OR4N5: variants seen among roughly 807,000 people sequenced by gnomAD.
The protein encoded by OR4N5 is olfactory receptor 4N5.
For synonymous variants in OR4N5, 155 were observed against 140.6 expected, an observed-to-expected ratio of 1.10 and a Z score of -0.72; for missense variants, 428 against 370.0, an observed-to-expected ratio of 1.16 and a Z score of -1.29.
intron 1 of OR4N5, among the ~76,000 whole-genome samples, chr14:20,140,353 A>G (rs1263297987): frequency 6.6e-6 from 1 of 152,214 alleles, no homozygotes; most frequent in African/African-American, 2.4e-5. Flanking sequence ...GTAACAGGAA[A>G]CAGAAGCTAA....
rs757831837 is a variant in OR4N5, at chr14:20,144,565, TC to T, written c.831del (p.Ile278SerfsTer4). On this transcript the variant is annotated frameshift_variant, in exon 3 of 3. Transcript: ENST00000641086. LOFTEE classifies it low-confidence loss of function (END_TRUNC). ...AAGGTAGTTTCTCTTTTCCATACTG[TC>T]ATCTTTCCTTTGATGAACCCTGTTA... is the stretch of plus-strand genomic sequence containing the variant. ...ADKVVSLFHTVIFPLMNPVIY... is the reference protein window; with the variant it reads ...ADKVVSLFHTXIFPLMNPVIY... 1 of 1,613,980 alleles carries T rather than the reference TC, an allele frequency of 6.2e-7. No homozygotes were observed. Among genetic ancestry groups the T allele is most frequent in the East Asian group, 2.2e-5 (1 of 44,868 alleles).
chr14:20,141,474 C>T (rs774758662), intron 2 of OR4N5, among the ~76,000 whole-genome samples: 1 of 152,142 alleles, frequency 6.6e-6, no homozygotes, highest in Non-Finnish European at 1.5e-5. Context: ...TATTCCATAG[C>T]ATTTGCTGCT....
chr14:20,140,307 T>A (rs1199975339), intron 1 of OR4N5, among the ~76,000 whole-genome samples: 2 of 151,828 alleles, frequency 1.3e-5, no homozygotes, highest in African/African-American at 4.8e-5. Context: ...AGCAAGGGAT[T>A]AGGAAGATAA....
rs1195866805 is a variant in OR4N5, at chr14:20,145,189, A to G, written c.*527A>G. On this transcript the variant is annotated 3_prime_UTR_variant, in exon 3 of 3. Coordinates refer to ENST00000641086, the MANE Select transcript of OR4N5 (RefSeq NM_001004724.2). ...CCATAAAAAGGAAGAGAACAGCTGT[A>G]CTATATTTAGTGAATGTGAAAATGG... 1 of 152,676 alleles carries G rather than the reference A, an allele frequency of 6.5e-6. No homozygotes were observed. Among genetic ancestry groups the G allele is most frequent in the Non-Finnish European group, 1.5e-5 (1 of 68,414 alleles). 9.5% of individuals were successfully genotyped at this position (152,676 alleles called of 1,614,324 possible). A position where few individuals can be genotyped will look rare whatever the true frequency, so the allele number is the denominator to read the frequency against.
rs146929855 is a variant in OR4N5 at position 20,144,310 on chromosome 14, C to G, written c.575C>G (p.Thr192Ser). Residue 192 changes from threonine to serine, a missense_variant, in exon 3 of 3, where the codon ACC becomes AGC. Coordinates refer to ENST00000641086, the MANE Select transcript of OR4N5 (RefSeq NM_001004724.2). ...GTCATCAAGCTGGCCTGCACCAATACCTTTGTGGTGGAGCTTCTGATGGTC... is the reference window on the plus strand; with the variant it reads ...GTCATCAAGCTGGCCTGCACCAATAGCTTTGTGGTGGAGCTTCTGATGGTC... ...PQVIKLACTN[T>S]FVVELLMVSN... is the part of the protein sequence containing the mutation. 2.5e-6 allele frequency: 4 copies of G among 1,613,848 alleles called. No homozygotes were observed. Among genetic ancestry groups the G allele is most frequent in the Admixed American group, 1.7e-5 (1 of 59,956 alleles).
rs192411034 is a variant in OR4N5, at chr14:20,142,829, A to G, written c.-11-896A>G. On this transcript the variant is annotated intron_variant, in intron 2 of 2. Coordinates refer to ENST00000641086, the MANE Select transcript of OR4N5 (RefSeq NM_001004724.2). ...AACTCTCAAATGAGTACATCAGATT[A>G]TATGTTCTGTATGGCCAATTCCAGC... Among the ~76,000 whole-genome samples the G allele has an allele frequency of 4.6e-5, 7 of 152,320 alleles. No homozygotes were observed. In the East Asian group the frequency reaches 1.3e-3, roughly 29 times the overall value.
At chr14:20,140,629 G>T (rs145497076) in intron 1 of OR4N5, among the ~76,000 whole-genome samples, 2 of 152,160 alleles carry the variant, frequency 1.3e-5, no homozygotes, top group Non-Finnish European at 2.9e-5. Flanking sequence ...GGGACAGTAT[G>T]GGGACCCTCT....
chr14:20,144,125 A>T lies in OR4N5; in HGVS notation c.390A>T (p.Leu130Phe). ...FDRYIAICRP[L>F]HYSTIMNPRA... ...GCTACATCGCCATCTGCCGGCCTTTACACTATTCAACCATCATGAACCCTA... is the reference window on the plus strand; with the variant it reads ...GCTACATCGCCATCTGCCGGCCTTTTCACTATTCAACCATCATGAACCCTA... The change falls in exon 3 of 3, where the codon TTA (leucine) becomes TTT (phenylalanine). Residue 130 changes from leucine to phenylalanine, a missense_variant. Leu to Phe is a conservative substitution (Grantham distance 22, BLOSUM62 0). Coordinates refer to ENST00000641086, the MANE Select transcript of OR4N5 (RefSeq NM_001004724.2). 1 of 1,614,060 alleles carries T rather than the reference A, an allele frequency of 6.2e-7. No individual in the cohort carries two copies. Among genetic ancestry groups the T allele is most frequent in the Non-Finnish European group, 8.5e-7 (1 of 1,179,990 alleles).
At chr14:20,140,525 G>T (rs151020598) in intron 1 of OR4N5, among the ~76,000 whole-genome samples, 192 of 152,260 alleles carry the variant, frequency 1.3e-3, no homozygotes, top group African/African-American at 4.4e-3. Context: ...CAGACACTTG[G>T]CTTCAGGAGC....
In OR4N5 at chr14:20,141,577, C is replaced by T. The variant is rs139107937; in HGVS notation, c.-12+366C>T. Among the ~76,000 whole-genome samples the T allele has an allele frequency of 4.2e-4, 64 of 152,182 alleles. 1 individual carries two copies. The East Asian group carries it at 0.012, about 29-fold the overall frequency. On this transcript the variant is annotated intron_variant, in intron 2 of 2. Transcript: ENST00000641086. ...TGCTAATATATTACCTACGTTTCCC[C>T]TGAATTTTCTTACGGATTTTTAAGG...
chr14:20,140,684 A>C, intron 1 of OR4N5, among the ~76,000 whole-genome samples, 159 bp from the exon 2 acceptor site: 1 of 152,212 alleles, frequency 6.6e-6, no homozygotes, highest in East Asian at 1.9e-4. Flanking sequence ...ATGTATGTAC[A>C]TATATGTATG....
rs764097237 is a variant in OR4N5, at chr14:20,143,766, G to A, written c.31G>A (p.Glu11Lys). 6 of 1,612,494 alleles carry A rather than the reference G, an allele frequency of 3.7e-6. No individual in the cohort carries two copies. In the Admixed American group the frequency reaches 6.7e-5, roughly 18 times the overall value. ...AACACAGAACCTCACAGTGGTGACA[G>A]AATTCATTCTTCTTGGTCTGACCCA... METQNLTVVT[E>K]FILLGLTQSQ... The change falls in exon 3 of 3, where the codon GAA (glutamate) becomes AAA (lysine). Residue 11 changes from glutamate (E) to lysine (K), a missense_variant. Transcript: ENST00000641086.
rs139342567 is a variant in OR4N5, at chr14:20,144,169, C to T, written c.434C>T (p.Ser145Leu). The change falls in exon 3 of 3, where the codon TCG (serine) becomes TTG (leucine). Residue 145 changes from serine (S) to leucine (L), a missense_variant. Transcript: ENST00000641086. ...AACCCTAGAGCCTGCTATGCATTAT[C>T]GTTGGTTCTGTGGCTTGGGGGCTTT... ...IMNPRACYAL[S>L]LVLWLGGFIH... 21 of 1,614,008 alleles carry T rather than the reference C, an allele frequency of 1.3e-5. No individual in the cohort carries two copies. In the African/African-American group the frequency reaches 2.0e-4, roughly 15 times the overall value.
chr14:20,144,420 T>C lies in OR4N5; in HGVS notation c.685T>C (p.Ser229Pro), dbSNP rs201322304. 6.8e-6 allele frequency: 11 copies of C among 1,614,002 alleles called. No homozygotes were observed. Among genetic ancestry groups the C allele is most frequent in the East Asian group, 2.2e-5 (1 of 44,858 alleles). Reference protein sequence around the residue: ...AVILCRIREHSSEGKSKAIST... With the variant: ...AVILCRIREHPSEGKSKAIST... ...CATCCTCTGTCGTATAAGGGAGCAC[T>C]CCTCTGAAGGAAAGAGCAAGGCTAT... Residue 229 changes from serine to proline, a missense_variant, in exon 3 of 3, where the codon TCC (serine) becomes CCC (proline). Coordinates refer to ENST00000641086, the MANE Select transcript of OR4N5 (RefSeq NM_001004724.2).
Position 20,143,855 on chromosome 14 carries a change from T to C in OR4N5, c.120T>C (p.Pro40=), listed in dbSNP as rs1420792673. ...TAATTTTCTACCTTATCATCCTCCC[T>C]GGAAATTTCCTCATCATTTTCACCA... is the stretch of plus-strand genomic sequence containing the variant. The part of the protein sequence containing the change: ...LVLIFYLIIL[P]GNFLIIFTIK... The change falls in exon 3 of 3, where the codon CCT becomes CCC. Residue 40 remains proline, a synonymous_variant. Transcript: ENST00000641086. 40 of 1,613,926 alleles carry C rather than the reference T, an allele frequency of 2.5e-5. No individual in the cohort carries two copies. Among genetic ancestry groups the C allele is most frequent in the Non-Finnish European group, 3.3e-5 (39 of 1,179,966 alleles).
Position 20,144,119 on chromosome 14 carries a change from G to A in OR4N5, c.384G>A (p.Arg128=). 1 of 1,614,080 alleles carries A rather than the reference G, an allele frequency of 6.2e-7. No homozygotes were observed. Among genetic ancestry groups the A allele is most frequent in the Non-Finnish European group, 8.5e-7 (1 of 1,180,000 alleles). The change falls in exon 3 of 3, where the codon CGG becomes CGA. Residue 128 remains arginine, a synonymous_variant. Coordinates refer to ENST00000641086, the MANE Select transcript of OR4N5 (RefSeq NM_001004724.2). ...MAFDRYIAIC[R]PLHYSTIMNP... is the part of the protein sequence containing the mutation. ...TTGACCGCTACATCGCCATCTGCCG[G>A]CCTTTACACTATTCAACCATCATGA...
At position 20,144,306 on chromosome 14, in the gene OR4N5, A is replaced by C; in HGVS notation, c.571A>C (p.Asn191His). 2.5e-6 allele frequency: 4 copies of C among 1,613,952 alleles called. No individual in the cohort carries two copies. The highest frequency in any genetic ancestry group is 3.4e-6 in the Non-Finnish European group (4 of 1,179,984). The change falls in exon 3 of 3, where the codon AAT (asparagine) becomes CAT (histidine). Residue 191 changes from asparagine to histidine, a missense_variant. By Grantham distance (68) the Asn-to-His change is moderately conservative (BLOSUM62 1). Coordinates refer to ENST00000641086, the MANE Select transcript of OR4N5 (RefSeq NM_001004724.2). ...VPQVIKLACTNTFVVELLMVS... is the reference protein window; with the variant it reads ...VPQVIKLACTHTFVVELLMVS... Reference sequence around the variant, plus strand: ...ACAGGTCATCAAGCTGGCCTGCACCAATACCTTTGTGGTGGAGCTTCTGAT... The same window carrying C: ...ACAGGTCATCAAGCTGGCCTGCACCCATACCTTTGTGGTGGAGCTTCTGAT...
In OR4N5 at chr14:20,144,382, C is replaced by T; in HGVS notation, c.647C>T (p.Ala216Val). 1 of 1,614,008 alleles carries T rather than the reference C, an allele frequency of 6.2e-7. No homozygotes were observed. Among genetic ancestry groups the T allele is most frequent in the Non-Finnish European group, 8.5e-7 (1 of 1,179,984 alleles). The part of the protein sequence containing the change: ...LSLLCFLGLL[A>V]SYAVILCRIR... Reference sequence around the variant, plus strand: ...CTCCTGTGCTTCCTGGGCCTTCTGGCCTCCTATGCAGTCATCCTCTGTCGT... The same window carrying T: ...CTCCTGTGCTTCCTGGGCCTTCTGGTCTCCTATGCAGTCATCCTCTGTCGT... Residue 216 changes from alanine to valine, a missense_variant, in exon 3 of 3, where the codon GCC (alanine) becomes GTC (valine). Coordinates refer to ENST00000641086, the MANE Select transcript of OR4N5 (RefSeq NM_001004724.2).
intron 2 of OR4N5, among the ~76,000 whole-genome samples, chr14:20,143,431 A>G (rs1164614887): frequency 6.6e-6 from 1 of 152,238 alleles, no homozygotes; most frequent in Non-Finnish European, 1.5e-5. Context: ...TGCTTTAATA[A>G]GACAACTTCT....
Sources: gnomAD v4.1 joint callset for allele counts (sites outside exome capture counted in the v4.1 genomes callset) on GRCh38, gnomAD v4.1.1 for gene constraint, MANE v1.5 for transcripts, NCBI Gene and HGNC (gene_info 2026-07-23, HGNC 2026-07-21) for gene names.